Variants in NKAIN2 observed in about 807,000 individuals in gnomAD.
NKAIN2 encodes the protein sodium/potassium transporting ATPase interacting 2.
Under a neutral mutation model 32.6 loss-of-function variants are expected in NKAIN2, and 14 were observed. The ratio of observed to expected loss-of-function variants is 0.43; its 90% CI spans 0.28 to 0.67. The LOEUF (loss-of-function observed/expected upper bound fraction) is 0.67, where lower values mean the gene tolerates loss of function less well. NKAIN2 is among the 30% of genes least tolerant of loss of function. The pLI is 0.17. For synonymous variants in NKAIN2, 80 were observed against 87.2 expected (o/e 0.92, Z 0.46); for missense variants, 198 against 258.3 (o/e 0.77, Z 1.60).
chr6:124,520,285 G>T (rs1400700598), intron 3 of NKAIN2, among the ~76,000 whole-genome samples: 1 of 152,058 alleles, frequency 6.6e-6, no homozygotes, highest in African/African-American at 2.4e-5. Flanking sequence ...TCAGTGATGC[G>T]TGTGATCCTG....
chr6:124,052,318 G>A (rs1426656128), intron 1 of NKAIN2, among the ~76,000 whole-genome samples: 1 of 152,002 alleles, frequency 6.6e-6, no homozygotes, highest in African/African-American at 2.4e-5. Flanking sequence ...ACTATGGGAT[G>A]GTAGCTCCCC....
chr6:124,717,882 G>A (rs1371103703), intron 4 of NKAIN2, among the ~76,000 whole-genome samples: 1 of 152,118 alleles, frequency 6.6e-6, no homozygotes, highest in Non-Finnish European at 1.5e-5. Flanking sequence ...TAAAACAAGA[G>A]AATAAAAGGG....
rs181259569 is a variant in NKAIN2, at chr6:124,084,645, A to G, written c.55-198360A>G. Among the ~76,000 whole-genome samples, 71 of 152,066 alleles carry G rather than the reference A, an allele frequency of 4.7e-4. No homozygotes were observed. In the East Asian group the frequency reaches 0.013, roughly 27 times the overall value. On this transcript the variant is annotated intron_variant, in intron 1 of 6. Transcript: ENST00000368417. ...CATGTGCTACCTCACTTTATCCAGG[A>G]AAGTCCGGGAAAAAAGGGAAAACAC...
intron 3 of NKAIN2, among the ~76,000 whole-genome samples, chr6:124,656,659 C>T (rs896187889): frequency 6.6e-6 from 1 of 152,100 alleles, no homozygotes; most frequent in Non-Finnish European, 1.5e-5. Flanking sequence ...TTAACACTCC[C>T]TCCCTCATGC....
chr6:124,157,417 T>G (rs1788047892), intron 1 of NKAIN2, among the ~76,000 whole-genome samples: 1 of 152,210 alleles, frequency 6.6e-6, no homozygotes, highest in African/African-American at 2.4e-5. Context: ...ATTTATTGTC[T>G]GACATTGTTC....
intron 4 of NKAIN2, among the ~76,000 whole-genome samples, chr6:124,764,831 GC>G (rs1368062950): frequency 6.6e-6 from 1 of 152,046 alleles, no homozygotes; most frequent in Admixed American, 6.6e-5. Flanking sequence ...GAGGAGTAAA[GC>G]ATCCCAAGGA....
At chr6:123,935,262 T>A (rs53359) in intron 1 of NKAIN2, among the ~76,000 whole-genome samples, 57,665 of 150,420 alleles carry the variant, frequency 0.38, 12,046 homozygotes, top group African/African-American at 0.54. Flanking sequence ...TGTGACCTTA[T>A]ACAAAGATAT....
At position 124,408,231 on chromosome 6, in the gene NKAIN2, T is replaced by C. The variant is rs1034878937; in HGVS notation, c.273+52884T>C. ...TCCCATTTGTCAATTTTGGCTTTTGTTGCCATTGCTTTTGGTGTTTTAGAC... is the reference window on the plus strand; with the variant it reads ...TCCCATTTGTCAATTTTGGCTTTTGCTGCCATTGCTTTTGGTGTTTTAGAC... On this transcript the variant is annotated intron_variant, in intron 3 of 6. Coordinates refer to ENST00000368417, the MANE Select transcript of NKAIN2 (RefSeq NM_001040214.3). Among the ~76,000 whole-genome samples, 231 of 152,302 alleles carry C rather than the reference T, an allele frequency of 1.5e-3. 1 individual carries two copies. Among genetic ancestry groups the C allele is most frequent in the African/African-American group, 5.3e-3 (219 of 41,558 alleles).
intron 4 of NKAIN2, among the ~76,000 whole-genome samples, chr6:124,682,526 C>G (rs1239937607): frequency 6.6e-6 from 1 of 152,052 alleles, no homozygotes; most frequent in Non-Finnish European, 1.5e-5. Flanking sequence ...GAACTCACAA[C>G]CACAGGATAT....
At chr6:124,393,386 T>C (rs925079901) in intron 3 of NKAIN2, among the ~76,000 whole-genome samples, 1 of 151,986 alleles carries the variant, frequency 6.6e-6, no homozygotes, top group African/African-American at 2.4e-5. Context: ...TCTTAAGTGA[T>C]ATGTGTACAT....
chr6:124,464,994 C>A (rs1776686963), intron 3 of NKAIN2, among the ~76,000 whole-genome samples: 1 of 151,902 alleles, frequency 6.6e-6, no homozygotes. Flanking sequence ...TTCTTCCTAT[C>A]CATGAGCGTG....
chr6:124,102,060 G>A (rs973842591), intron 1 of NKAIN2, among the ~76,000 whole-genome samples: 3 of 152,242 alleles, frequency 2.0e-5, no homozygotes, highest in African/African-American at 7.2e-5. Flanking sequence ...TTTGGTACCA[G>A]ATCGAACTTC....
intron 3 of NKAIN2, among the ~76,000 whole-genome samples, chr6:124,626,422 G>C (rs1282348025): frequency 1.4e-5 from 2 of 141,224 alleles, no homozygotes; most frequent in Admixed American, 7.2e-5. Context: ...AGCAGGTCCT[G>C]TGATACCTAA....
At chr6:123,956,978 G>A (rs1582840580) in intron 1 of NKAIN2, among the ~76,000 whole-genome samples, 1 of 152,262 alleles carries the variant, frequency 6.6e-6, no homozygotes, top group East Asian at 1.9e-4. Flanking sequence ...ATAAAGGTAA[G>A]CTCATGTCAT....
At chr6:124,256,885 G>GTTTTTTTTTTT (rs568654193) in intron 1 of NKAIN2, among the ~76,000 whole-genome samples, 19 of 75,896 alleles carry the variant, frequency 2.5e-4, no homozygotes, top group Non-Finnish European at 3.2e-4. Context: ...GCTTTCTGTT[G>GTTTTTTTTTTT]TTTTTTTTTT....
At chr6:124,043,997 A>G (rs1424725905) in intron 1 of NKAIN2, among the ~76,000 whole-genome samples, 2 of 152,112 alleles carry the variant, frequency 1.3e-5, no homozygotes, top group African/African-American at 4.8e-5. Context: ...CAAGTATTCC[A>G]GACCTAAAAC....
At chr6:124,285,722 C>G (rs1215735592) in intron 2 of NKAIN2, among the ~76,000 whole-genome samples, 2 of 152,136 alleles carry the variant, frequency 1.3e-5, no homozygotes, top group Non-Finnish European at 2.9e-5. Context: ...ACCCCCCACA[C>G]AGCCAAAAAT....
intron 4 of NKAIN2, among the ~76,000 whole-genome samples, chr6:124,757,174 A>G (rs547599110): frequency 5.8e-4 from 89 of 152,282 alleles, no homozygotes; most frequent in African/African-American, 1.9e-3. Context: ...AGGACATTTT[A>G]TCCCTTGCCA....
intron 2 of NKAIN2, among the ~76,000 whole-genome samples, chr6:124,333,000 A>G (rs1474669458): frequency 6.6e-6 from 1 of 152,214 alleles, no homozygotes; most frequent in Non-Finnish European, 1.5e-5. Flanking sequence ...ATGTCTTCCT[A>G]TTAAATAACT....
Sources: allele counts gnomAD v4.1 joint callset (sites outside exome capture counted in the v4.1 genomes callset), GRCh38; gene constraint gnomAD v4.1.1; transcripts MANE v1.5; gene names NCBI Gene and HGNC (gene_info 2026-07-23, HGNC 2026-07-21).